The following KHDRBS2 variants were observed in gnomAD, a reference collection of about 807,000 sequenced individuals.
KHDRBS2 encodes KH RNA binding domain containing, signal transduction associated 2.
A neutral mutation model predicts 44.3 loss-of-function variants in KHDRBS2; 26 were observed. The ratio of observed to expected loss-of-function variants is 0.59; its 90% CI spans 0.43 to 0.81. The LOEUF (loss-of-function observed/expected upper bound fraction) is 0.81. KHDRBS2 is among the 40% of genes least tolerant of loss of function. The pLI is 0.00. For missense variants in KHDRBS2, 476 were observed against 433.1 expected (o/e 1.10, Z -0.88); for synonymous variants, 194 against 151.1 (o/e 1.28, Z -2.08).
intron 5 of KHDRBS2, among the ~76,000 whole-genome samples, chr6:61,899,256 G>C (rs908074152): frequency 7.2e-5 from 11 of 151,740 alleles, no homozygotes; most frequent in African/African-American, 2.7e-4. Context: ...TATTTCTCTT[G>C]AAATTTAAAA....
intron 4 of KHDRBS2, among the ~76,000 whole-genome samples, chr6:61,967,602 G>A (rs543249609): frequency 1.6e-4 from 25 of 151,950 alleles, no homozygotes; most frequent in African/African-American, 6.0e-4. Flanking sequence ...GGAGTGAGTA[G>A]AAGCTCTGAA....
the KHDRBS2 span, among the ~76,000 whole-genome samples, chr6:61,569,147 G>A: frequency 6.6e-6 from 1 of 151,966 alleles, no homozygotes; most frequent in African/African-American, 2.4e-5. Context: ...TCACTTCCCT[G>A]GCACAGCAAA....
chr6:62,244,849 C>T (rs201907395), intron 1 of KHDRBS2, among the ~76,000 whole-genome samples: 1 of 151,908 alleles, frequency 6.6e-6, no homozygotes, highest in Non-Finnish European at 1.5e-5. Flanking sequence ...TATCTGCAGA[C>T]GTTTGTGATT....
intron 4 of KHDRBS2, among the ~76,000 whole-genome samples, chr6:61,910,230 T>C (rs1310408009): frequency 1.3e-5 from 2 of 152,206 alleles, no homozygotes; most frequent in African/African-American, 2.4e-5. Flanking sequence ...AAACAGAACA[T>C]GCTATTAAAT....
chr6:61,826,103 C>A (rs1006199939), intron 6 of KHDRBS2, among the ~76,000 whole-genome samples: 7 of 152,128 alleles, frequency 4.6e-5, no homozygotes, highest in African/African-American at 1.7e-4. Context: ...TTATTTTTCC[C>A]CTAAATTATT....
the KHDRBS2 span, among the ~76,000 whole-genome samples, chr6:61,561,276 C>T: frequency 1.0e-3 from 159 of 152,284 alleles, no homozygotes; most frequent in African/African-American, 3.7e-3. Flanking sequence ...GCCACAAGCA[C>T]CCCTGTGGCT....
chr6:61,657,237 G>A, the KHDRBS2 span, among the ~76,000 whole-genome samples: 2 of 151,954 alleles, frequency 1.3e-5, no homozygotes, highest in Non-Finnish European at 2.9e-5. Flanking sequence ...CCACAGCTAA[G>A]CATTGTAAGA....
chr6:61,694,091 T>C (rs547042162), intron 8 of KHDRBS2, among the ~76,000 whole-genome samples: 2 of 152,262 alleles, frequency 1.3e-5, no homozygotes, highest in East Asian at 1.9e-4. Flanking sequence ...TTTCCTCAAA[T>C]TGATGTAGCA....
At chr6:62,092,014 C>A (rs1397552995) in intron 2 of KHDRBS2, among the ~76,000 whole-genome samples, 2 of 152,126 alleles carry the variant, frequency 1.3e-5, no homozygotes, top group Non-Finnish European at 2.9e-5. Flanking sequence ...GAGCATGCTG[C>A]AAAGATAATA....
chr6:62,259,384 G>A (rs1199039982), intron 1 of KHDRBS2, among the ~76,000 whole-genome samples: 1 of 151,076 alleles, frequency 6.6e-6, no homozygotes, highest in Non-Finnish European at 1.5e-5. Flanking sequence ...TTCATGCAAA[G>A]GTACATCACA....
chr6:61,998,350 A>G (rs1195987794), intron 3 of KHDRBS2, among the ~76,000 whole-genome samples: 1 of 152,146 alleles, frequency 6.6e-6, no homozygotes, highest in Non-Finnish European at 1.5e-5. Context: ...ATAAGTTGCT[A>G]TTTCTTACAC....
chr6:62,230,062 G>A (rs1408780627), intron 1 of KHDRBS2, among the ~76,000 whole-genome samples: 1 of 152,162 alleles, frequency 6.6e-6, no homozygotes, highest in Non-Finnish European at 1.5e-5. Flanking sequence ...AATTGCTGTA[G>A]CGGTGGTGGG....
rs559807743 is a variant in KHDRBS2, at chr6:62,081,847, A to T, written c.220-33853T>A. On this transcript the variant is annotated intron_variant, in intron 2 of 8. Coordinates refer to ENST00000281156, the MANE Select transcript of KHDRBS2 (RefSeq NM_152688.4). ...TTTTGGACACTTTTTGGGAGAAAAA[A>T]GAGAAATTATATATAATATTATATA... 3.3e-5 allele frequency among the ~76,000 whole-genome samples: 5 copies of T among 152,104 alleles called. No individual in the cohort carries two copies. The South Asian group carries it at 1.0e-3, about 32-fold the overall frequency.
the KHDRBS2 span, among the ~76,000 whole-genome samples, chr6:61,605,595 AAATG>A: frequency 6.6e-6 from 1 of 152,104 alleles, no homozygotes; most frequent in Admixed American, 6.5e-5. Context: ...CAATAATTCT[AAATG>A]ACAAATGTTT....
the KHDRBS2 span, among the ~76,000 whole-genome samples, chr6:61,552,540 C>G: frequency 2.0e-5 from 3 of 152,030 alleles, no homozygotes; most frequent in African/African-American, 7.2e-5. Context: ...ACTATGTTGA[C>G]TAGGAGTGGT....
At position 62,237,607 on chromosome 6, in the gene KHDRBS2, G is replaced by A. The variant is rs73487034; in HGVS notation, c.91+48251C>T. Among the ~76,000 whole-genome samples, 1,433 of 152,210 alleles carry A rather than the reference G, an allele frequency of 9.4e-3. 25 individuals carry two copies. The highest frequency in any genetic ancestry group is 0.033 in the African/African-American group (1,372 of 41,518). ...CCTAAGAATAAAAGTATTAGCGTGAGAAGATTATAAAAGTATTTTATAATA... is the reference window on the plus strand; with the variant it reads ...CCTAAGAATAAAAGTATTAGCGTGAAAAGATTATAAAAGTATTTTATAATA... On this transcript the variant is annotated intron_variant, in intron 1 of 8. Coordinates refer to ENST00000281156, the MANE Select transcript of KHDRBS2 (RefSeq NM_152688.4).
At chr6:62,107,253 T>C (rs2127379552) in intron 2 of KHDRBS2, among the ~76,000 whole-genome samples, 1 of 152,270 alleles carries the variant, frequency 6.6e-6, no homozygotes, top group Admixed American at 6.5e-5. Context: ...AGTCTCAGGA[T>C]ACAAAATCAA....
intron 2 of KHDRBS2, among the ~76,000 whole-genome samples, chr6:62,134,462 T>C (rs1397522345): frequency 1.3e-5 from 2 of 152,198 alleles, no homozygotes; most frequent in Admixed American, 6.5e-5. Flanking sequence ...GGAGAACTTC[T>C]GCTTAGGGCA....
intron 2 of KHDRBS2, among the ~76,000 whole-genome samples, chr6:62,136,810 C>T (rs188843281): frequency 6.6e-6 from 1 of 152,052 alleles, no homozygotes; most frequent in Non-Finnish European, 1.5e-5. Flanking sequence ...GCCATCCATA[C>T]TTTTCCCTGA....
Sources: allele counts gnomAD v4.1 joint callset (sites outside exome capture counted in the v4.1 genomes callset), GRCh38; gene constraint gnomAD v4.1.1; transcripts MANE v1.5; gene names NCBI Gene and HGNC (gene_info 2026-07-23, HGNC 2026-07-21).